RIMS1: variants seen among roughly 807,000 people sequenced by gnomAD.
The protein encoded by RIMS1 is regulating synaptic membrane exocytosis protein 1.
Under a neutral mutation model 214.1 loss-of-function variants are expected in RIMS1, and 83 were observed. The ratio of observed to expected loss-of-function variants is 0.39; its 90% CI spans 0.32 to 0.47. RIMS1 has a LOEUF of 0.47. Ranked by LOEUF, RIMS1 falls within the 20% of genes least tolerant of loss-of-function variation. RIMS1 has a pLI of 0.99. For synonymous variants in RIMS1, 793 were observed against 786.8 expected, an observed-to-expected ratio of 1.01 and a Z score of -0.13; for missense variants, 2,050 against 2,161.8, an observed-to-expected ratio of 0.95 and a Z score of 1.03.
intron 31 of RIMS1, among the ~76,000 whole-genome samples, chr6:72,397,731 A>G (rs1344694773): frequency 6.6e-6 from 1 of 152,176 alleles, no homozygotes. Flanking sequence ...TTAATAGGTA[A>G]TGACATGTCC....
chr6:72,224,808 A>G (rs2059687532), intron 6 of RIMS1, among the ~76,000 whole-genome samples: 2 of 152,154 alleles, frequency 1.3e-5, no homozygotes, highest in Admixed American at 1.3e-4. Context: ...AGTACAGTTG[A>G]AAGAACATGA....
At chr6:72,118,657 G>A (rs370718876) in intron 4 of RIMS1, among the ~76,000 whole-genome samples, 12 of 151,628 alleles carry the variant, frequency 7.9e-5, no homozygotes, top group African/African-American at 2.7e-4. Flanking sequence ...CAGGTATGCA[G>A]GGATGTTTTA....
intron 2 of RIMS1, among the ~76,000 whole-genome samples, chr6:72,073,168 TATGCC>T (rs962974791): frequency 6.6e-6 from 1 of 152,200 alleles, no homozygotes; most frequent in Non-Finnish European, 1.5e-5. Context: ...TTTTGTCATC[TATGCC>T]ATTTTTAGGG....
At chr6:71,919,422 A>G (rs1779357664) in intron 1 of RIMS1, among the ~76,000 whole-genome samples, 1 of 151,988 alleles carries the variant, frequency 6.6e-6, no homozygotes, top group Admixed American at 6.6e-5. Flanking sequence ...AAAAACAATT[A>G]TGGGTGGGAA....
At chr6:72,297,637 T>A (rs1391086299) in intron 26 of RIMS1, among the ~76,000 whole-genome samples, 1 of 151,906 alleles carries the variant, frequency 6.6e-6, no homozygotes, top group African/African-American at 2.4e-5. Flanking sequence ...GGAAACAGGA[T>A]GTAGAAATGC....
intron 2 of RIMS1, among the ~76,000 whole-genome samples, chr6:71,973,460 A>T (rs1057396296): frequency 1.2e-4 from 18 of 152,158 alleles, no homozygotes; most frequent in Non-Finnish European, 2.2e-4. Flanking sequence ...GGATGTTTAC[A>T]GTGTGCCTTT....
chr6:71,915,623 A>G (rs1044526136), intron 1 of RIMS1, among the ~76,000 whole-genome samples: 1 of 152,100 alleles, frequency 6.6e-6, no homozygotes, highest in East Asian at 1.9e-4. Context: ...CTGCTCTCTG[A>G]CTCAGTTTCC....
chr6:72,036,597 A>G (rs937993656), intron 2 of RIMS1, among the ~76,000 whole-genome samples: 4 of 152,214 alleles, frequency 2.6e-5, no homozygotes, highest in African/African-American at 9.6e-5. Context: ...AAAATATTGG[A>G]AAATATTTTC....
intron 4 of RIMS1, among the ~76,000 whole-genome samples, chr6:72,116,298 G>T (rs747911930): frequency 2.6e-5 from 4 of 152,082 alleles, no homozygotes; most frequent in Non-Finnish European, 4.4e-5. Context: ...TCATCAAGAT[G>T]TGTAAGTACA....
At chr6:72,318,971 T>A (rs1257286244) in intron 28 of RIMS1, among the ~76,000 whole-genome samples, 1 of 152,190 alleles carries the variant, frequency 6.6e-6, no homozygotes, top group African/African-American at 2.4e-5. Context: ...TCAGAATATA[T>A]CATCTACCAT....
chr6:72,170,927 G>T (rs955961329), intron 4 of RIMS1, among the ~76,000 whole-genome samples: 2 of 152,000 alleles, frequency 1.3e-5, no homozygotes, highest in African/African-American at 4.8e-5. Flanking sequence ...ACACAGTTTT[G>T]TATAACTCAA....
intron 4 of RIMS1, among the ~76,000 whole-genome samples, chr6:72,146,409 C>T (rs1054716619): frequency 6.6e-6 from 1 of 152,128 alleles, no homozygotes; most frequent in African/African-American, 2.4e-5. Context: ...CATTACTCTA[C>T]CATTAAGGTC....
At chr6:72,106,648 ATTG>A (rs2034800887) in intron 4 of RIMS1, among the ~76,000 whole-genome samples, 1 of 151,996 alleles carries the variant, frequency 6.6e-6, no homozygotes, top group African/African-American at 2.4e-5. Flanking sequence ...TGCTGTTTTT[ATTG>A]TTTGTTTGTT....
At chr6:71,958,779 GATGT>G (rs1792057873) in intron 1 of RIMS1, among the ~76,000 whole-genome samples, 1 of 152,104 alleles carries the variant, frequency 6.6e-6, no homozygotes, top group Non-Finnish European at 1.5e-5. Flanking sequence ...GGGGGAAGCA[GATGT>G]CTTAGAGCAT....
chr6:72,229,402 AC>A (rs1035444665), intron 6 of RIMS1, among the ~76,000 whole-genome samples: 23 of 152,072 alleles, frequency 1.5e-4, no homozygotes, highest in African/African-American at 5.5e-4. Context: ...TTTATAAAAT[AC>A]ACTTTAATAT....
At chr6:72,040,869 T>A in intron 2 of RIMS1, among the ~76,000 whole-genome samples, 2 of 152,010 alleles carry the variant, frequency 1.3e-5, no homozygotes, top group South Asian at 4.1e-4. Flanking sequence ...AAGATGTAAT[T>A]TATTTTATTA....
chr6:72,246,623 A>G (rs1221522334), intron 11 of RIMS1, among the ~76,000 whole-genome samples: 1 of 152,156 alleles, frequency 6.6e-6, no homozygotes, highest in Admixed American at 6.6e-5. Context: ...GGAGAAGAAA[A>G]TATGAAAGTA....
intron 2 of RIMS1, among the ~76,000 whole-genome samples, chr6:71,998,615 C>T (rs192010003): frequency 5.0e-4 from 76 of 152,256 alleles, no homozygotes; most frequent in African/African-American, 1.7e-3. Flanking sequence ...ATAAGTAAAT[C>T]CATATCATCG....
At chr6:72,091,015 G>T (rs1836083803) in intron 2 of RIMS1, among the ~76,000 whole-genome samples, 1 of 152,174 alleles carries the variant, frequency 6.6e-6, no homozygotes, top group African/African-American at 2.4e-5. Flanking sequence ...ACGCGTGATG[G>T]CACTGATCTG....
Sources: gnomAD v4.1 joint callset for allele counts (sites outside exome capture counted in the v4.1 genomes callset) on GRCh38, gnomAD v4.1.1 for gene constraint, MANE v1.5 for transcripts, NCBI Gene and HGNC (gene_info 2026-07-23, HGNC 2026-07-21) for gene names.